The following HS6ST3 variants were observed in gnomAD, a reference collection of about 807,000 sequenced individuals.
HS6ST3 encodes the protein heparan sulfate 6-O-sulfotransferase 3, also known as heparan-sulfate 6-O-sulfotransferase 3.
A neutral mutation model predicts 36.7 loss-of-function variants in HS6ST3; 12 were observed. The ratio of observed to expected loss-of-function variants is 0.33; its 90% CI spans 0.21 to 0.53. The LOEUF (loss-of-function observed/expected upper bound fraction) is 0.53. HS6ST3 is among the 20% of genes least tolerant of loss of function. The pLI is 0.95. For synonymous variants in HS6ST3, 240 were observed against 257.5 expected (o/e 0.93, Z 0.65); for missense variants, 584 against 640.9 (o/e 0.91, Z 0.96).
chr13:96,155,086 C>T (rs1212168192), intron 1 of HS6ST3, among the ~76,000 whole-genome samples: 2 of 152,024 alleles, frequency 1.3e-5, no homozygotes, highest in African/African-American at 2.4e-5. Context: ...ATTGTTCAGT[C>T]AATACACGTG....
At chr13:96,631,239 G>A (rs1285032252) in intron 1 of HS6ST3, among the ~76,000 whole-genome samples, 2 of 152,154 alleles carry the variant, frequency 1.3e-5, no homozygotes, top group Non-Finnish European at 1.5e-5. Flanking sequence ...CAGCCTTTCA[G>A]AGTGGTTTTA....
chr13:96,718,692 T>C (rs1875766975), intron 1 of HS6ST3, among the ~76,000 whole-genome samples: 1 of 152,206 alleles, frequency 6.6e-6, no homozygotes, highest in Admixed American at 6.5e-5. Context: ...TAATGACTAA[T>C]ACAACTCCCA....
At chr13:96,641,947 C>A (rs901584655) in intron 1 of HS6ST3, among the ~76,000 whole-genome samples, 1 of 151,700 alleles carries the variant, frequency 6.6e-6, no homozygotes, top group African/African-American at 2.4e-5. Context: ...TTTATAATAT[C>A]TTTTTTTAAA....
intron 1 of HS6ST3, among the ~76,000 whole-genome samples, chr13:96,116,944 G>T (rs543393122): frequency 6.6e-6 from 1 of 152,248 alleles, no homozygotes; most frequent in African/African-American, 2.4e-5. Flanking sequence ...TGGGGTTTTG[G>T]AGGATACACA....
rs564985932 is a variant in HS6ST3, at chr13:96,680,006, G to T, written c.708-152484G>T. On this transcript the variant is annotated intron_variant, in intron 1 of 1. Coordinates refer to ENST00000376705, the MANE Select transcript of HS6ST3 (RefSeq NM_153456.4). ...GCAACGTGGGGAAGGAAGGCAAAGGGGGGAAGTGGAAGGCCACTCTGGGAT... is the reference window on the plus strand; with the variant it reads ...GCAACGTGGGGAAGGAAGGCAAAGGTGGGAAGTGGAAGGCCACTCTGGGAT... Among the ~76,000 whole-genome samples the T allele has an allele frequency of 6.6e-5, 10 of 152,184 alleles. No homozygotes were observed. The South Asian group carries it at 1.7e-3, about 25-fold the overall frequency.
At chr13:96,669,526 T>G (rs897585695) in intron 1 of HS6ST3, among the ~76,000 whole-genome samples, 2 of 152,194 alleles carry the variant, frequency 1.3e-5, no homozygotes, top group Non-Finnish European at 2.9e-5. Context: ...TTTAAGTCTC[T>G]TCAACAATGG....
In HS6ST3 at chr13:96,598,617, G is replaced by A. The variant is rs992421408; in HGVS notation, c.708-233873G>A. ...TTCTAGGTATAAGGTCATATCATCA[G>A]CAAACAGATAGTTTGACTTCTTCTT... is the stretch of plus-strand genomic sequence containing the variant. On this transcript the variant is annotated intron_variant, in intron 1 of 1. Coordinates refer to ENST00000376705, the MANE Select transcript of HS6ST3 (RefSeq NM_153456.4). Among the ~76,000 whole-genome samples, 5 of 152,064 alleles carry A rather than the reference G, an allele frequency of 3.3e-5. No individual in the cohort carries two copies. The East Asian group carries it at 5.8e-4, about 18-fold the overall frequency.
intron 1 of HS6ST3, among the ~76,000 whole-genome samples, chr13:96,822,332 A>T (rs1293111604): frequency 6.6e-6 from 1 of 152,160 alleles, no homozygotes; most frequent in African/African-American, 2.4e-5. Flanking sequence ...CCAAATAATC[A>T]CGGAAGTCCC....
At chr13:96,622,285 T>A (rs1232472036) in intron 1 of HS6ST3, among the ~76,000 whole-genome samples, 1 of 152,180 alleles carries the variant, frequency 6.6e-6, no homozygotes, top group Non-Finnish European at 1.5e-5. Flanking sequence ...AAAAAAGCAG[T>A]AGTCACTGAT....
At chr13:96,318,043 C>T (rs1370332533) in intron 1 of HS6ST3, among the ~76,000 whole-genome samples, 4 of 152,042 alleles carry the variant, frequency 2.6e-5, no homozygotes, top group Non-Finnish European at 5.9e-5. Context: ...TGCAGAAGCT[C>T]TTTAGTTTAA....
chr13:96,507,512 C>G (rs1452629159), intron 1 of HS6ST3, among the ~76,000 whole-genome samples: 3 of 151,986 alleles, frequency 2.0e-5, no homozygotes, highest in Non-Finnish European at 4.4e-5. Flanking sequence ...TTTCAGTTTT[C>G]TGCAATTAAT....
At chr13:96,713,974 T>G (rs964635253) in intron 1 of HS6ST3, among the ~76,000 whole-genome samples, 10 of 152,132 alleles carry the variant, frequency 6.6e-5, no homozygotes, top group Admixed American at 6.6e-4. Context: ...GTTGCTGAGA[T>G]AATTGGTTAT....
At chr13:96,491,472 CAAAAA>C (rs10632047) in intron 1 of HS6ST3, among the ~76,000 whole-genome samples, 2 of 123,724 alleles carry the variant, frequency 1.6e-5, no homozygotes, top group Admixed American at 8.2e-5. Context: ...TACTAATGTG[CAAAAA>C]AAAAAAAAAA....
chr13:96,267,004 G>A (rs1037662755), intron 1 of HS6ST3, among the ~76,000 whole-genome samples: 1 of 152,172 alleles, frequency 6.6e-6, no homozygotes, highest in Admixed American at 6.5e-5. Context: ...TGTCATGGGA[G>A]GGACCTGATG....
intron 1 of HS6ST3, among the ~76,000 whole-genome samples, chr13:96,564,794 T>C (rs1308067611): frequency 6.6e-6 from 1 of 152,284 alleles, no homozygotes; most frequent in Non-Finnish European, 1.5e-5. Context: ...AGAGGAATAC[T>C]GGAATAAACA....
rs549359186 is a variant in HS6ST3 at position 96,192,903 on chromosome 13, A to G, written c.707+101334A>G. The stretch of plus-strand genomic sequence containing the variant: ...AAGTGAAAAATGGTGCAATATAAGG[A>G]CGGGTTGAAGGAAAAAGTTTTTCTG... On this transcript the variant is annotated intron_variant, in intron 1 of 1. Transcript: ENST00000376705. Among the ~76,000 whole-genome samples the G allele has an allele frequency of 2.0e-5, 3 of 152,250 alleles. No homozygotes were observed. In the East Asian group the frequency reaches 5.8e-4, roughly 29 times the overall value.
intron 1 of HS6ST3, among the ~76,000 whole-genome samples, chr13:96,446,838 C>T (rs977728718): frequency 3.3e-5 from 5 of 152,146 alleles, no homozygotes; most frequent in Admixed American, 3.3e-4. Flanking sequence ...GCAAGCAGTT[C>T]GCCCTCGAAA....
intron 1 of HS6ST3, among the ~76,000 whole-genome samples, chr13:96,312,609 T>A (rs1396183823): frequency 6.6e-6 from 1 of 152,146 alleles, no homozygotes; most frequent in African/African-American, 2.4e-5. Context: ...CAAATATGGC[T>A]TTATTTATTT....
chr13:96,427,472 A>C, intron 1 of HS6ST3, among the ~76,000 whole-genome samples: 1 of 152,032 alleles, frequency 6.6e-6, no homozygotes, highest in Non-Finnish European at 1.5e-5. Context: ...GTGTTTTATT[A>C]GTTCATTTAT....
Sources: allele counts gnomAD v4.1 joint callset (sites outside exome capture counted in the v4.1 genomes callset), GRCh38; gene constraint gnomAD v4.1.1; transcripts MANE v1.5; gene names NCBI Gene and HGNC (gene_info 2026-07-23, HGNC 2026-07-21).